Variants in GGA2 observed in about 807,000 individuals in gnomAD.
GGA2 encodes the protein ADP-ribosylation factor-binding protein GGA2.
A neutral mutation model predicts 79.5 loss-of-function variants in GGA2; 48 were observed. The ratio of observed to expected loss-of-function variants is 0.60; its 90% CI spans 0.48 to 0.77. The LOEUF (loss-of-function observed/expected upper bound fraction) is 0.77, where lower values mean the gene tolerates loss of function less well. Among genes scored for constraint, GGA2 ranks in the 30% least tolerant of loss-of-function variants. The pLI is 0.00. For synonymous variants in GGA2, 317 were observed against 302.0 expected, an observed-to-expected ratio of 1.05 and a Z score of -0.51; for missense variants, 770 against 774.0, an observed-to-expected ratio of 0.99 and a Z score of 0.06.
In GGA2 at chr16:23,466,075, T is replaced by A. The variant is rs1309506523; in HGVS notation, c.*1515A>T. The A allele has an allele frequency of 6.6e-6, 1 of 152,260 alleles. No homozygotes were observed. Among genetic ancestry groups the A allele is most frequent in the Non-Finnish European group, 1.5e-5 (1 of 68,080 alleles). 9.4% of individuals were successfully genotyped at this position (152,260 alleles called of 1,614,324 possible). ...ATGAGTTTTTACATTTGCTTAAAAT[T>A]AGCATACTTGATCTTTTACAGTTCC... On this transcript the variant is annotated 3_prime_UTR_variant, in exon 17 of 17. Coordinates refer to ENST00000309859, the MANE Select transcript of GGA2 (RefSeq NM_015044.4).
At chr16:23,505,024 T>G (rs936134968) in intron 1 of GGA2, among the ~76,000 whole-genome samples, 1 of 152,092 alleles carries the variant, frequency 6.6e-6, no homozygotes, top group Non-Finnish European at 1.5e-5. Context: ...CAGCCGCCTG[T>G]GCTAGCAAGG....
intron 15 of GGA2, 144 bp from the exon 16 acceptor site, chr16:23,469,140 G>A (rs976533050): frequency 3.5e-6 from 2 of 571,848 alleles, no homozygotes; most frequent in Non-Finnish European, 6.4e-6. Flanking sequence ...GGCACCTATG[G>A]GAGCCCAAGC....
intron 7 of GGA2, 134 bp from the exon 8 acceptor site, chr16:23,486,286 C>G: frequency 1.3e-6 from 1 of 743,636 alleles, no homozygotes; most frequent in South Asian, 1.8e-5. Flanking sequence ...CATGGGAGAA[C>G]TCACACAGTG....
At chr16:23,490,725 ACT>A (rs1302140000) in intron 5 of GGA2, among the ~76,000 whole-genome samples, 1 of 150,528 alleles carries the variant, frequency 6.6e-6, no homozygotes, top group Non-Finnish European at 1.5e-5. Context: ...ACAGAGTGAG[ACT>A]CTGTCTCAAA....
chr16:23,508,183 C>T (rs1310266813), intron 1 of GGA2, among the ~76,000 whole-genome samples: 3 of 151,892 alleles, frequency 2.0e-5, no homozygotes, highest in African/African-American at 7.3e-5. Context: ...CCTCCCACCT[C>T]GGCCTCCCAA....
chr16:23,524,227 C>A (rs1413126673), upstream of GGA2: 2 of 744,786 alleles, frequency 2.7e-6, no homozygotes, highest in Non-Finnish European at 4.7e-6. Context: ...CACAAATGCA[C>A]TTGTGTGCAG....
chr16:23,508,714 G>A (rs1034844476), intron 1 of GGA2, among the ~76,000 whole-genome samples: 2 of 152,096 alleles, frequency 1.3e-5, no homozygotes, highest in African/African-American at 2.4e-5. Context: ...CAAGCTCACT[G>A]CCAATGAACC....
chr16:23,479,693 C>G, intron 11 of GGA2, 72 bp downstream of exon 11: 1 of 1,555,418 alleles, frequency 6.4e-7, no homozygotes, highest in Non-Finnish European at 8.8e-7. Flanking sequence ...GCATGTGCTC[C>G]GCGAAGGGAA....
At chr16:23,501,490 C>A in intron 1 of GGA2, 1 of 402,296 alleles carries the variant, frequency 2.5e-6, no homozygotes, top group Admixed American at 3.0e-5. Context: ...ACCTGTGTGC[C>A]TTGGCAAATG....
intron 1 of GGA2, among the ~76,000 whole-genome samples, chr16:23,500,044 G>A (rs1173431168): frequency 6.6e-6 from 1 of 152,212 alleles, no homozygotes; most frequent in Non-Finnish European, 1.5e-5. Flanking sequence ...GGAAGGAAGA[G>A]GAGCTCCCTC....
chr16:23,510,011 C>T (rs1165161283), intron 1 of GGA2, among the ~76,000 whole-genome samples: 5 of 146,148 alleles, frequency 3.4e-5, no homozygotes, highest in Non-Finnish European at 7.5e-5. Context: ...GAGCACAGTG[C>T]CTGGCGCAGG....
At chr16:23,485,046 T>C (rs1247173688) in intron 8 of GGA2, among the ~76,000 whole-genome samples, 1 of 152,176 alleles carries the variant, frequency 6.6e-6, no homozygotes, top group Admixed American at 6.5e-5. Context: ...TGGAACGCTA[T>C]CCAGCCATGA....
upstream of GGA2, among the ~76,000 whole-genome samples, chr16:23,511,759 CGT>C (rs1965067398): frequency 6.6e-6 from 1 of 152,016 alleles, no homozygotes; most frequent in Non-Finnish European, 1.5e-5. Flanking sequence ...GAAATGAATA[CGT>C]GTTAAATATT....
At chr16:23,488,196 C>T (rs1964739291) in intron 6 of GGA2, among the ~76,000 whole-genome samples, 1 of 152,110 alleles carries the variant, frequency 6.6e-6, no homozygotes, top group Admixed American at 6.5e-5. Context: ...GGACATGACC[C>T]ATCCATCACC....
At chr16:23,500,721 G>A (rs370398188) in intron 1 of GGA2, among the ~76,000 whole-genome samples, 44 of 152,368 alleles carry the variant, frequency 2.9e-4, no homozygotes, top group South Asian at 1.0e-3. Flanking sequence ...TCACGCAGGC[G>A]GAGGTGGCAG....
chr16:23,512,866 G>A (rs533295209), upstream of GGA2, among the ~76,000 whole-genome samples: 12 of 151,724 alleles, frequency 7.9e-5, no homozygotes, highest in East Asian at 1.9e-4. Context: ...CACCACACCC[G>A]GCTAATTTTG....
At chr16:23,509,719 G>A (rs528820734) in intron 1 of GGA2, among the ~76,000 whole-genome samples, 8 of 147,858 alleles carry the variant, frequency 5.4e-5, no homozygotes, top group African/African-American at 1.7e-4. Flanking sequence ...ATGAGACCCC[G>A]TCTCTTAAAG....
chr16:23,493,345 A>C lies in GGA2; in HGVS notation c.351+15T>G. On this transcript the variant is annotated intron_variant, in intron 4 of 16. Coordinates refer to ENST00000309859, the MANE Select transcript of GGA2 (RefSeq NM_015044.4). ...AGGTGCGACACAGTCAGCAGAGCCA[A>C]GCCCAGGTACTCACCTTTGGGGACA... 1 of 1,480,840 alleles carries C rather than the reference A, an allele frequency of 6.8e-7. No individual in the cohort carries two copies. Among genetic ancestry groups the C allele is most frequent in the Non-Finnish European group, 9.5e-7 (1 of 1,058,108 alleles). The allele number at this position is 1,480,840 out of a possible 1,614,324, so 91.7% of individuals were successfully genotyped here.
chr16:23,474,634 C>A (rs536907514), intron 14 of GGA2, among the ~76,000 whole-genome samples: 63 of 151,758 alleles, frequency 4.2e-4, no homozygotes, highest in African/African-American at 1.4e-3. Context: ...TTCTTCCCCC[C>A]CAAATAGAGA....
Sources: gnomAD v4.1 joint callset for allele counts (sites outside exome capture counted in the v4.1 genomes callset) on GRCh38, gnomAD v4.1.1 for gene constraint, MANE v1.5 for transcripts, NCBI Gene and HGNC (gene_info 2026-07-23, HGNC 2026-07-21) for gene names.